The following CTNNA3 variants were observed in gnomAD, a reference collection of about 807,000 sequenced individuals.
The protein encoded by CTNNA3 is catenin alpha-3.
A neutral mutation model predicts 95.7 loss-of-function variants in CTNNA3; 76 were observed. The observed-to-expected ratio is 0.79, with a 90% CI of 0.66 to 0.96. The LOEUF is 0.96. Ranked by LOEUF, CTNNA3 falls within the 40% of genes least tolerant of loss-of-function variation. The pLI is 0.00. For synonymous variants in CTNNA3, 431 were observed against 374.4 expected (o/e 1.15, Z -1.74); for missense variants, 1,191 against 1,089.8 (o/e 1.09, Z -1.31).
chr10:67,258,064 T>C (rs953369107), intron 5 of CTNNA3, among the ~76,000 whole-genome samples: 3 of 152,178 alleles, frequency 2.0e-5, no homozygotes, highest in Non-Finnish European at 4.4e-5. Context: ...GATAAGTCCT[T>C]TCCTTGTTCC....
At chr10:66,240,678 AT>A in intron 13 of CTNNA3, among the ~76,000 whole-genome samples, 1 of 152,220 alleles carries the variant, frequency 6.6e-6, no homozygotes, top group Admixed American at 6.5e-5. Flanking sequence ...AAAAACAGGG[AT>A]AACTGAAAAT....
intron 15 of CTNNA3, among the ~76,000 whole-genome samples, chr10:66,008,568 T>C (rs2078942343): frequency 6.6e-6 from 1 of 152,200 alleles, no homozygotes. Flanking sequence ...CTGTCCAGAA[T>C]AGAGCCTTTA....
chr10:67,449,993 C>T (rs899252482), intron 5 of CTNNA3, among the ~76,000 whole-genome samples: 1 of 151,936 alleles, frequency 6.6e-6, no homozygotes, highest in Non-Finnish European at 1.5e-5. Context: ...AAGACATGAA[C>T]AGGCACTTTT....
At chr10:66,308,032 G>C (rs1210513112) in intron 12 of CTNNA3, among the ~76,000 whole-genome samples, 3 of 152,130 alleles carry the variant, frequency 2.0e-5, no homozygotes, top group Non-Finnish European at 4.4e-5. Flanking sequence ...TCTCATTTGA[G>C]CAGGGTTTTC....
intron 13 of CTNNA3, among the ~76,000 whole-genome samples, chr10:66,269,217 T>G (rs1292624074): frequency 2.6e-5 from 4 of 152,176 alleles, no homozygotes; most frequent in African/African-American, 9.7e-5. Context: ...ATGACTTACA[T>G]AGGGTTACAA....
At chr10:67,111,969 C>T (rs143023161) in intron 7 of CTNNA3, among the ~76,000 whole-genome samples, 9 of 152,166 alleles carry the variant, frequency 5.9e-5, no homozygotes, top group African/African-American at 1.9e-4. Flanking sequence ...ACAAGTCACT[C>T]TAGCACAGTG....
chr10:66,375,415 C>T (rs992861688), intron 12 of CTNNA3, among the ~76,000 whole-genome samples: 1 of 151,924 alleles, frequency 6.6e-6, no homozygotes, highest in Non-Finnish European at 1.5e-5. Context: ...AGCCAATTCC[C>T]GTGAAAATTA....
chr10:66,443,831 A>T (rs1249189021), intron 11 of CTNNA3, among the ~76,000 whole-genome samples: 4 of 152,196 alleles, frequency 2.6e-5, no homozygotes, highest in East Asian at 1.9e-4. Context: ...GGAGAATGAC[A>T]TTGATGAGTT....
intron 13 of CTNNA3, among the ~76,000 whole-genome samples, chr10:66,168,457 GT>G (rs890189549): frequency 1.2e-4 from 18 of 152,086 alleles, no homozygotes; most frequent in Middle Eastern, 3.4e-3. Flanking sequence ...TCGTTCAGTG[GT>G]TTTTTTCTGT....
intron 7 of CTNNA3, among the ~76,000 whole-genome samples, chr10:66,833,720 G>A (rs980791790): frequency 1.3e-5 from 2 of 152,108 alleles, no homozygotes; most frequent in Admixed American, 6.6e-5. Context: ...TTTCAGTACT[G>A]TACTACAAAA....
intron 9 of CTNNA3, among the ~76,000 whole-genome samples, chr10:66,738,867 C>A (rs1849234436): frequency 6.6e-6 from 1 of 152,148 alleles, no homozygotes; most frequent in African/African-American, 2.4e-5. Context: ...TCCCGCACTA[C>A]TGGTATTTTA....
At chr10:66,289,506 A>T (rs2091644211) in intron 12 of CTNNA3, among the ~76,000 whole-genome samples, 1 of 151,824 alleles carries the variant, frequency 6.6e-6, no homozygotes, top group Non-Finnish European at 1.5e-5. Flanking sequence ...CATGTAACAT[A>T]CTTTTCTAGA....
intron 12 of CTNNA3, among the ~76,000 whole-genome samples, chr10:66,344,051 A>C (rs888824638): frequency 1.3e-5 from 2 of 151,184 alleles, no homozygotes; most frequent in Non-Finnish European, 3.0e-5. Flanking sequence ...ACATGGTGAA[A>C]CCCTGTCTCT....
chr10:67,374,157 A>C (rs1445796204), intron 5 of CTNNA3, among the ~76,000 whole-genome samples: 2 of 152,202 alleles, frequency 1.3e-5, no homozygotes, highest in Admixed American at 6.5e-5. Flanking sequence ...CAGATACTAA[A>C]TATTTTAAGG....
At chr10:66,753,744 T>C (rs1564659958) in intron 9 of CTNNA3, among the ~76,000 whole-genome samples, 1 of 151,644 alleles carries the variant, frequency 6.6e-6, no homozygotes, top group South Asian at 2.1e-4. Context: ...TAAAAAAATC[T>C]GAAAATGAAA....
rs182509337 is a variant in CTNNA3 at position 67,049,959 on chromosome 10, T to C, written c.1047+130358A>G. Among the ~76,000 whole-genome samples the C allele has an allele frequency of 1.1e-4, 16 of 152,358 alleles. 1 individual carries two copies. Among genetic ancestry groups the C allele is most frequent in the Admixed American group, 9.8e-4 (15 of 15,308 alleles). ...TAAATGTGTTCAGAACTGAGGGATGTATTATTCATAACTTATCTTTAAATG... is the reference window on the plus strand; with the variant it reads ...TAAATGTGTTCAGAACTGAGGGATGCATTATTCATAACTTATCTTTAAATG... On this transcript the variant is annotated intron_variant, in intron 7 of 17. Transcript: ENST00000433211.
chr10:66,211,054 G>A (rs1234507851), intron 13 of CTNNA3, among the ~76,000 whole-genome samples: 1 of 152,126 alleles, frequency 6.6e-6, no homozygotes, highest in Non-Finnish European at 1.5e-5. Flanking sequence ...CCATCATACT[G>A]TACCATTAAT....
chr10:66,608,612 G>A (rs1844215885), intron 10 of CTNNA3, among the ~76,000 whole-genome samples: 1 of 151,848 alleles, frequency 6.6e-6, no homozygotes, highest in African/African-American at 2.4e-5. Flanking sequence ...GAATAGAATA[G>A]AGTATCCAGA....
At chr10:67,101,973 G>T (rs1318712256) in intron 7 of CTNNA3, among the ~76,000 whole-genome samples, 4 of 151,562 alleles carry the variant, frequency 2.6e-5, no homozygotes, top group Non-Finnish European at 4.4e-5. Context: ...AGAAGTTATG[G>T]GACTGGCAGG....
Sources: gnomAD v4.1 joint callset for allele counts (sites outside exome capture counted in the v4.1 genomes callset) on GRCh38, gnomAD v4.1.1 for gene constraint, MANE v1.5 for transcripts, NCBI Gene and HGNC (gene_info 2026-07-23, HGNC 2026-07-21) for gene names.